The following ABHD18 variants were observed in gnomAD, a reference collection of about 807,000 sequenced individuals.
ABHD18 encodes cardiolipin-specific deacylase, mitochondrial.
A neutral mutation model predicts 65.9 loss-of-function variants in ABHD18; 55 were observed. That is an observed-to-expected ratio of 0.84 (90% CI 0.67 to 1.05). The LOEUF (loss-of-function observed/expected upper bound fraction) is 1.05, where lower values mean the gene tolerates loss of function less well. Ranked by LOEUF, ABHD18 falls within the 50% of genes least tolerant of loss-of-function variation. The pLI, the probability that ABHD18 is intolerant of heterozygous loss-of-function variation, is 0.00. For missense variants in ABHD18, 533 were observed against 558.5 expected (o/e 0.95, Z 0.46); for synonymous variants, 181 against 180.2 (o/e 1.00, Z -0.04).
intron 9 of ABHD18, 115 bp downstream of exon 9, chr4:128,020,284 C>T: frequency 1.5e-5 from 11 of 718,452 alleles, no homozygotes; most frequent in South Asian, 1.3e-4. Context: ...TTATAGGACT[C>T]AGGATATAGT....
intron 4 of ABHD18, among the ~76,000 whole-genome samples, chr4:127,997,865 TCTC>T (rs1751998514): frequency 1.3e-5 from 2 of 152,014 alleles, no homozygotes; most frequent in South Asian, 4.2e-4. Flanking sequence ...ACCTTTTTCC[TCTC>T]CTCCTCCTCG....
In ABHD18 at chr4:127,981,421, T is replaced by A. The variant is rs370853973; in HGVS notation, c.-17-1518T>A. Among the ~76,000 whole-genome samples, 127 of 152,322 alleles carry A rather than the reference T, an allele frequency of 8.3e-4. No homozygotes were observed. The South Asian group carries it at 0.013, about 15-fold the overall frequency. On this transcript the variant is annotated intron_variant, in intron 1 of 12. Transcript: ENST00000645843. Reference sequence around the variant, plus strand: ...TATTTTGATAGTTAGATAGATTTTTTAATTTTTAATTATTTTCCCTCCACT... The same window carrying A: ...TATTTTGATAGTTAGATAGATTTTTAAATTTTTAATTATTTTCCCTCCACT...
At chr4:128,004,393 A>G (rs1232678544) in intron 4 of ABHD18, among the ~76,000 whole-genome samples, 6 of 151,966 alleles carry the variant, frequency 3.9e-5, no homozygotes, top group Non-Finnish European at 8.8e-5. Context: ...CAGAGGTTGC[A>G]GTGAGCCAAG....
rs1466226523 is a variant in ABHD18 at position 127,984,364 on chromosome 4, G to A, written c.118G>A (p.Gly40Arg). Residue 40 changes from glycine (G) to arginine (R), a missense_variant, in exon 3 of 13, where the codon GGA (glycine) becomes AGA (arginine). Gly to Arg is a moderately radical substitution (Grantham distance 125, BLOSUM62 -2). Transcript: ENST00000645843. ...KRLFEFRKMI[G>R]NRERCQNLVS... ...ACTCTTTGAATTCAGAAAGATGATT[G>A]GAAATCGGGAAAGATGCCAGAATCT... The A allele has an allele frequency of 1.3e-6, 2 of 1,549,908 alleles. No homozygotes were observed. Among genetic ancestry groups the A allele is most frequent in the Non-Finnish European group, 1.7e-6 (2 of 1,145,422 alleles).
At chr4:128,017,573 A>T (rs1022369529) in intron 8 of ABHD18, 72 bp downstream of exon 8, 15 of 1,368,004 alleles carry the variant, frequency 1.1e-5, no homozygotes, top group Non-Finnish European at 1.3e-5. Flanking sequence ...TGGTTATTTT[A>T]AAAATTCACT....
intron 4 of ABHD18, among the ~76,000 whole-genome samples, chr4:128,008,456 G>A (rs1754004951): frequency 1.3e-5 from 2 of 151,478 alleles, no homozygotes; most frequent in Admixed American, 1.3e-4. Context: ...TATATTTTTA[G>A]TAGCGACGGG....
chr4:127,989,646 T>C, intron 3 of ABHD18, 75 bp from the exon 4 acceptor site: 1 of 962,608 alleles, frequency 1.0e-6, no homozygotes, highest in South Asian at 1.9e-5. Flanking sequence ...TAGAACTTTT[T>C]ATTAGAAGAA....
intron 4 of ABHD18, among the ~76,000 whole-genome samples, chr4:127,996,969 C>T (rs2149101682): frequency 6.6e-6 from 1 of 152,324 alleles, no homozygotes; most frequent in East Asian, 1.9e-4. Flanking sequence ...TGCAAACACA[C>T]ATTTTACAAT....
intron 4 of ABHD18, among the ~76,000 whole-genome samples, chr4:127,994,762 A>G (rs558322547): frequency 2.6e-5 from 4 of 152,188 alleles, no homozygotes; most frequent in Non-Finnish European, 2.9e-5. Context: ...AGGATAGTTT[A>G]TATGTCTTCT....
At chr4:128,027,469 G>A (rs988501692) in intron 10 of ABHD18, among the ~76,000 whole-genome samples, 1 of 151,494 alleles carries the variant, frequency 6.6e-6, no homozygotes, top group African/African-American at 2.4e-5. Context: ...GCAGTGGCAC[G>A]ATATCAGGTC....
chr4:128,021,899 A>C (rs1756557114), intron 10 of ABHD18, among the ~76,000 whole-genome samples: 1 of 152,162 alleles, frequency 6.6e-6, no homozygotes, highest in African/African-American at 2.4e-5. Context: ...TCTGCCTTTA[A>C]AATAATTTTA....
intron 4 of ABHD18, among the ~76,000 whole-genome samples, chr4:127,997,142 A>G (rs896340772): frequency 6.6e-6 from 1 of 152,256 alleles, no homozygotes; most frequent in South Asian, 2.1e-4. Flanking sequence ...CAGAGATTGC[A>G]GTAAAGGCAG....
rs746075557 is a variant in ABHD18, at chr4:127,982,996, TC to T, written c.43del (p.Leu15Ter). 6.4e-7 allele frequency: 1 copy of T among 1,566,284 alleles called. No individual in the cohort carries two copies. Among genetic ancestry groups the T allele is most frequent in the East Asian group, 2.3e-5 (1 of 42,836 alleles). On this transcript the variant is annotated frameshift_variant, in exon 2 of 13. Coordinates refer to ENST00000645843, the MANE Select transcript of ABHD18 (RefSeq NM_001358451.3). LOFTEE classifies it high-confidence loss of function. The part of the protein sequence containing the change: ...SKLDILYRRL[L>X]LTKLFIRGWG... ...TTAGATATTCTATACCGGAGACTTCTCCTAACAAAACTTTTTATCAGAGGAT... is the reference window on the plus strand; with the variant it reads ...TTAGATATTCTATACCGGAGACTTCTCTAACAAAACTTTTTATCAGAGGAT...
chr4:128,015,038 T>C (rs1485712139), intron 7 of ABHD18, among the ~76,000 whole-genome samples: 1 of 150,444 alleles, frequency 6.6e-6, no homozygotes, highest in Non-Finnish European at 1.5e-5. Context: ...GATCGCCCCA[T>C]TGCACTCCAG....
chr4:128,026,713 T>C (rs1023717967), intron 10 of ABHD18, among the ~76,000 whole-genome samples: 2 of 152,178 alleles, frequency 1.3e-5, no homozygotes, highest in African/African-American at 4.8e-5. Flanking sequence ...ATGCTCTGCA[T>C]AACAATGCTT....
intron 1 of ABHD18, among the ~76,000 whole-genome samples, chr4:127,976,473 A>G (rs1249143824): frequency 6.6e-6 from 1 of 152,182 alleles, no homozygotes; most frequent in Non-Finnish European, 1.5e-5. Context: ...AATGAAAAAA[A>G]TGAAAAAAAT....
At chr4:128,014,608 A>AT (rs1270345561) in intron 7 of ABHD18, among the ~76,000 whole-genome samples, 1 of 152,130 alleles carries the variant, frequency 6.6e-6, no homozygotes, top group Non-Finnish European at 1.5e-5. Context: ...TATGTATTTG[A>AT]TTTTTCTCTA....
At chr4:128,034,643 CTTTTCT>C (rs1186734520) in intron 12 of ABHD18, among the ~76,000 whole-genome samples, 2 of 151,696 alleles carry the variant, frequency 1.3e-5, no homozygotes, top group African/African-American at 2.4e-5. Context: ...TTGTCTATTC[CTTTTCT>C]TTTTCTTTCT....
Position 128,030,578 on chromosome 4 carries a change from G to A in ABHD18, c.1249G>A (p.Val417Ile). The change falls in exon 12 of 13, where the codon GTT (valine) becomes ATT (isoleucine). Residue 417 changes from valine (V) to isoleucine (I), a missense_variant. Physicochemically the swap from Val to Ile is conservative, Grantham distance 29 (BLOSUM62 3). Transcript: ENST00000645843. ...KEDAYIPRTG[V>I]RSLQEIWPGC... ...AGATGCCTATATTCCACGAACAGGA[G>A]TTCGAAGTTTACAAGAAATTTGGCC... The A allele has an allele frequency of 1.2e-6, 2 of 1,609,032 alleles. No individual in the cohort carries two copies. Among genetic ancestry groups the A allele is most frequent in the Non-Finnish European group, 1.7e-6 (2 of 1,179,146 alleles).
Sources: allele counts gnomAD v4.1 joint callset (sites outside exome capture counted in the v4.1 genomes callset), GRCh38; gene constraint gnomAD v4.1.1; transcripts MANE v1.5; gene names NCBI Gene and HGNC (gene_info 2026-07-23, HGNC 2026-07-21).